The following TMEM163 variants were observed in gnomAD, a reference collection of about 807,000 sequenced individuals.
TMEM163 encodes transmembrane protein 163.
Under a neutral mutation model 29.3 loss-of-function variants are expected in TMEM163, and 17 were observed. The observed-to-expected ratio is 0.58, with a 90% CI of 0.40 to 0.87. TMEM163 has a LOEUF of 0.87. Among genes scored for constraint, TMEM163 ranks in the 40% least tolerant of loss-of-function variants. The pLI is 0.00. For missense variants in TMEM163, 303 were observed against 381.5 expected, an observed-to-expected ratio of 0.79 and a Z score of 1.71; for synonymous variants, 157 against 160.6, an observed-to-expected ratio of 0.98 and a Z score of 0.17.
At chr2:134,699,788 G>T (rs1225038086) in intron 2 of TMEM163, among the ~76,000 whole-genome samples, 1 of 151,786 alleles carries the variant, frequency 6.6e-6, no homozygotes, top group Non-Finnish European at 1.5e-5. Flanking sequence ...GTGCTCTGGG[G>T]TTTTGTTGTT....
At chr2:134,617,505 G>A (rs1682633056) in intron 2 of TMEM163, among the ~76,000 whole-genome samples, 1 of 151,968 alleles carries the variant, frequency 6.6e-6, no homozygotes, top group South Asian at 2.1e-4. Context: ...AGGAGGCTGA[G>A]GCAGGAGAAT....
intron 4 of TMEM163, among the ~76,000 whole-genome samples, chr2:134,510,546 C>G (rs1356235864): frequency 6.6e-6 from 1 of 152,116 alleles, no homozygotes; most frequent in Non-Finnish European, 1.5e-5. Flanking sequence ...CGGGCCATGA[C>G]AGCTGAAAAG....
At chr2:134,540,474 C>A (rs1357553066) in intron 4 of TMEM163, among the ~76,000 whole-genome samples, 2 of 152,262 alleles carry the variant, frequency 1.3e-5, no homozygotes, top group African/African-American at 4.8e-5. Context: ...GATCCCTAAC[C>A]ACTTTCTCTC....
At chr2:134,606,682 G>A (rs1019200803) in intron 2 of TMEM163, among the ~76,000 whole-genome samples, 6 of 152,184 alleles carry the variant, frequency 3.9e-5, no homozygotes, top group African/African-American at 1.4e-4. Context: ...TGTGGCAACC[G>A]GCCAGTGGAA....
At chr2:134,502,765 C>G in intron 5 of TMEM163, 136 bp downstream of exon 5, 1 of 671,378 alleles carries the variant, frequency 1.5e-6, no homozygotes, top group Non-Finnish European at 2.5e-6. Flanking sequence ...ATCCCTGCAA[C>G]AAGTTCTTCT....
chr2:134,546,640 T>C (rs1459300232), intron 4 of TMEM163, among the ~76,000 whole-genome samples: 2 of 132,048 alleles, frequency 1.5e-5, no homozygotes, highest in East Asian at 2.3e-4. Context: ...CCAGGCTCCA[T>C]CTCAAAAAAA....
chr2:134,652,477 C>A (rs1453890960), intron 2 of TMEM163, among the ~76,000 whole-genome samples: 2 of 100,028 alleles, frequency 2.0e-5, no homozygotes, highest in East Asian at 4.6e-4. Context: ...GATATACAAT[C>A]ATGTCATCTG....
intron 2 of TMEM163, among the ~76,000 whole-genome samples, chr2:134,603,593 C>A (rs1260390229): frequency 6.6e-6 from 1 of 152,126 alleles, no homozygotes; most frequent in African/African-American, 2.4e-5. Flanking sequence ...AGCCATATGG[C>A]GGCTCCTCAA....
At chr2:134,496,590 C>T (rs114517088) in intron 5 of TMEM163, among the ~76,000 whole-genome samples, 4,201 of 152,214 alleles carry the variant, frequency 0.028, 86 homozygotes, top group Non-Finnish European at 0.044. Context: ...GACCAAATGA[C>T]GCTAATGACT....
chr2:134,713,110 C>A, intron 2 of TMEM163, 90 bp downstream of exon 2: 1 of 1,541,298 alleles, frequency 6.5e-7, no homozygotes, highest in Non-Finnish European at 8.7e-7. Context: ...CAATAATAGT[C>A]AACTAAAAGC....
intron 2 of TMEM163, among the ~76,000 whole-genome samples, chr2:134,612,061 C>T (rs1453105028): frequency 4.6e-5 from 7 of 152,212 alleles, no homozygotes; most frequent in African/African-American, 1.7e-4. Context: ...AACCAACAGC[C>T]TTGCCACCAC....
intron 4 of TMEM163, among the ~76,000 whole-genome samples, chr2:134,541,676 G>A (rs1680671242): frequency 6.6e-6 from 1 of 151,992 alleles, no homozygotes; most frequent in Admixed American, 6.6e-5. Flanking sequence ...TTCAAACTAT[G>A]GTGTTAAATA....
chr2:134,713,165 A>T (rs2276161), intron 2 of TMEM163, 35 bp downstream of exon 2: 264,624 of 1,605,404 alleles, frequency 0.16, 25,006 homozygotes, highest in Middle Eastern at 0.41. Context: ...GGGCAACAGC[A>T]GCACATATTG....
chr2:134,584,420 T>C (rs569439305), intron 2 of TMEM163, among the ~76,000 whole-genome samples: 19 of 152,260 alleles, frequency 1.2e-4, no homozygotes, highest in African/African-American at 4.3e-4. Context: ...GCAGAGGTCA[T>C]GGAATGAATG....
chr2:134,515,746 T>C (rs1014392414), intron 4 of TMEM163, among the ~76,000 whole-genome samples: 4 of 152,150 alleles, frequency 2.6e-5, no homozygotes, highest in Admixed American at 2.6e-4. Flanking sequence ...TAGAAATACA[T>C]AAAAATAAAT....
At chr2:134,703,269 G>C (rs181232998) in intron 2 of TMEM163, among the ~76,000 whole-genome samples, 1 of 152,228 alleles carries the variant, frequency 6.6e-6, no homozygotes, top group Admixed American at 6.5e-5. Flanking sequence ...AGGTGAAATG[G>C]GCAATCAGAA....
chr2:134,523,559 T>G (rs943275337), intron 4 of TMEM163, among the ~76,000 whole-genome samples: 1 of 152,116 alleles, frequency 6.6e-6, no homozygotes, highest in Non-Finnish European at 1.5e-5. Flanking sequence ...CAATCTCCCC[T>G]CAGCTGCTCC....
At position 134,648,161 on chromosome 2, in the gene TMEM163, T is replaced by A. The variant is rs76510422; in HGVS notation, c.322+65039A>T. The stretch of plus-strand genomic sequence containing the variant: ...GCAGGAAGGAGAGCTGAAAAAGGGA[T>A]GGAGCAGGAAGATAATCTTCCCCCA... On this transcript the variant is annotated intron_variant, in intron 2 of 7. Coordinates refer to ENST00000281924, the MANE Select transcript of TMEM163 (RefSeq NM_030923.5). 2.4e-3 allele frequency among the ~76,000 whole-genome samples: 364 copies of A among 152,232 alleles called. 13 individuals carry two copies. In the East Asian group the frequency reaches 0.066, roughly 28 times the overall value.
intron 2 of TMEM163, among the ~76,000 whole-genome samples, chr2:134,575,842 C>A (rs1003982455): frequency 6.6e-6 from 1 of 151,832 alleles, no homozygotes; most frequent in African/African-American, 2.4e-5. Context: ...TAAGTCAAAA[C>A]GAGGCATGTC....
Sources: allele counts gnomAD v4.1 joint callset (sites outside exome capture counted in the v4.1 genomes callset), GRCh38; gene constraint gnomAD v4.1.1; transcripts MANE v1.5; gene names NCBI Gene and HGNC (gene_info 2026-07-23, HGNC 2026-07-21).